PDE4D: variants seen among roughly 807,000 people sequenced by gnomAD.
PDE4D encodes phosphodiesterase 4D, also known as 3',5'-cyclic-AMP phosphodiesterase 4D.
PDE4D carries 24 observed loss-of-function variants against 87.4 expected under a neutral mutation model. The ratio of observed to expected loss-of-function variants is 0.27; its 90% CI spans 0.20 to 0.39. The LOEUF is 0.39. PDE4D is among the 10% of genes least tolerant of loss of function. The pLI, the probability that PDE4D is intolerant of heterozygous loss-of-function variation, is 1.00. For synonymous variants in PDE4D, 384 were observed against 383.2 expected (o/e 1.00, Z -0.02); for missense variants, 714 against 1,041.0 (o/e 0.69, Z 4.32).
chr5:59,378,418 T>C (rs1289238953), intron 1 of PDE4D, among the ~76,000 whole-genome samples: 1 of 151,758 alleles, frequency 6.6e-6, no homozygotes. Flanking sequence ...CATGTACCCC[T>C]GAACTTAAAA....
At chr5:59,726,372 C>T (rs1756588216) in intron 1 of PDE4D, among the ~76,000 whole-genome samples, 1 of 152,018 alleles carries the variant, frequency 6.6e-6, no homozygotes, top group South Asian at 2.1e-4. Context: ...AGCCCTAACC[C>T]TTTATGTAAT....
At chr5:59,139,478 A>G (rs868255112) in intron 5 of PDE4D, among the ~76,000 whole-genome samples, 2 of 152,042 alleles carry the variant, frequency 1.3e-5, no homozygotes, top group Non-Finnish European at 2.9e-5. Flanking sequence ...TCAACAGGAG[A>G]GAGGTATGAT....
At chr5:60,182,881 G>GA (rs558346227) in intron 2 of PDE4D, among the ~76,000 whole-genome samples, 1,550 of 114,602 alleles carry the variant, frequency 0.014, 13 homozygotes, top group African/African-American at 0.038. Flanking sequence ...CTCCGTCTCA[G>GA]AAAAAAAAAA....
At chr5:60,411,114 A>G (rs1443165324) in intron 1 of PDE4D, among the ~76,000 whole-genome samples, 4 of 152,224 alleles carry the variant, frequency 2.6e-5, no homozygotes, top group African/African-American at 9.6e-5. Flanking sequence ...GCACTGGACA[A>G]AGAGGGAGTC....
chr5:59,047,501 G>C (rs1760889448), intron 5 of PDE4D, among the ~76,000 whole-genome samples: 1 of 152,172 alleles, frequency 6.6e-6, no homozygotes, highest in Admixed American at 6.5e-5. Context: ...CACATGGTCA[G>C]ATTTGCTTTT....
At chr5:59,965,054 TCTGTGCCCATATA>T (rs1227693622) in intron 3 of PDE4D, among the ~76,000 whole-genome samples, 13 of 152,212 alleles carry the variant, frequency 8.5e-5, no homozygotes, top group African/African-American at 2.9e-4. Flanking sequence ...ATGACCTGCA[TCTGTGCCCATATA>T]CTCTACGTTC....
chr5:59,452,129 T>C (rs771284242), intron 1 of PDE4D, among the ~76,000 whole-genome samples: 3 of 151,980 alleles, frequency 2.0e-5, no homozygotes, highest in Non-Finnish European at 4.4e-5. Flanking sequence ...AAGACAATTC[T>C]TCCATTGTGG....
At chr5:60,066,241 A>G (rs1216451195) in intron 2 of PDE4D, among the ~76,000 whole-genome samples, 3 of 151,950 alleles carry the variant, frequency 2.0e-5, no homozygotes, top group African/African-American at 7.3e-5. Context: ...TTCTTTTGAG[A>G]AGTGTCTGTT....
intron 1 of PDE4D, among the ~76,000 whole-genome samples, chr5:59,369,287 G>T (rs1191841845): frequency 1.3e-5 from 2 of 152,178 alleles, no homozygotes; most frequent in Non-Finnish European, 2.9e-5. Flanking sequence ...ATAGGCTTGT[G>T]AAAAAGACTA....
At chr5:59,380,649 C>A (rs1035129192) in intron 1 of PDE4D, among the ~76,000 whole-genome samples, 1 of 152,128 alleles carries the variant, frequency 6.6e-6, no homozygotes, top group South Asian at 2.1e-4. Context: ...TCCTTTTGTG[C>A]CCTCTAGTGT....
At chr5:60,229,436 T>G (rs2149620274) in intron 1 of PDE4D, among the ~76,000 whole-genome samples, 1 of 152,314 alleles carries the variant, frequency 6.6e-6, no homozygotes, top group Middle Eastern at 3.4e-3. Flanking sequence ...CCTAAGATGC[T>G]TGATCACAAT....
At chr5:59,960,507 G>A (rs1432818466) in intron 3 of PDE4D, among the ~76,000 whole-genome samples, 1 of 152,086 alleles carries the variant, frequency 6.6e-6, no homozygotes, top group Admixed American at 6.6e-5. Flanking sequence ...TATACACTGT[G>A]GAATACTACA....
chr5:59,149,775 C>G (rs1263227974), intron 5 of PDE4D, among the ~76,000 whole-genome samples: 2 of 123,496 alleles, frequency 1.6e-5, no homozygotes, highest in East Asian at 5.4e-4. Flanking sequence ...GTGAGAATGG[C>G]TTAACAAATA....
chr5:60,201,623 TACA>T (rs1306864937), intron 1 of PDE4D, among the ~76,000 whole-genome samples: 1 of 152,162 alleles, frequency 6.6e-6, no homozygotes, highest in Non-Finnish European at 1.5e-5. Context: ...ATCACACAGC[TACA>T]ACAATATCAA....
At chr5:60,440,862 A>C (rs778087446) in intron 1 of PDE4D, among the ~76,000 whole-genome samples, 1 of 152,146 alleles carries the variant, frequency 6.6e-6, no homozygotes, top group African/African-American at 2.4e-5. Flanking sequence ...AAAGGAGTTG[A>C]ATAATTTTTC....
At chr5:60,212,427 G>T (rs1743335816) in intron 1 of PDE4D, among the ~76,000 whole-genome samples, 1 of 152,166 alleles carries the variant, frequency 6.6e-6, no homozygotes, top group Non-Finnish European at 1.5e-5. Context: ...GCAAGTGATT[G>T]GTGCAGTGAA....
intron 1 of PDE4D, among the ~76,000 whole-genome samples, chr5:59,252,002 C>T (rs1194781776): frequency 6.6e-6 from 1 of 152,030 alleles, no homozygotes; most frequent in Admixed American, 6.6e-5. Context: ...AAGGAAACAA[C>T]AGACATTGGG....
chr5:59,073,581 C>T (rs1166501535), intron 5 of PDE4D, among the ~76,000 whole-genome samples: 3 of 151,316 alleles, frequency 2.0e-5, no homozygotes, highest in African/African-American at 7.3e-5. Context: ...ATTTATAATG[C>T]ACCAACTTGT....
intron 1 of PDE4D, among the ~76,000 whole-genome samples, chr5:59,829,170 T>G (rs899495145): frequency 2.0e-5 from 3 of 147,958 alleles, no homozygotes; most frequent in African/African-American, 7.4e-5. Flanking sequence ...CACAAACACA[T>G]GCACACACAC....
Sources: gnomAD v4.1 joint callset for allele counts (sites outside exome capture counted in the v4.1 genomes callset) on GRCh38, gnomAD v4.1.1 for gene constraint, MANE v1.5 for transcripts, NCBI Gene and HGNC (gene_info 2026-07-23, HGNC 2026-07-21) for gene names.